Variants in CHFR observed in about 807,000 individuals in gnomAD.
CHFR encodes E3 ubiquitin-protein ligase CHFR.
CHFR carries 57 observed loss-of-function variants against 87.6 expected under a neutral mutation model. That is an observed-to-expected ratio of 0.65 (90% CI 0.53 to 0.81). The LOEUF (loss-of-function observed/expected upper bound fraction) is 0.81, where lower values mean the gene tolerates loss of function less well. Ranked by LOEUF, CHFR falls within the 30% of genes least tolerant of loss-of-function variation. CHFR has a pLI of 0.00. For missense variants in CHFR, 797 were observed against 865.8 expected (o/e 0.92, Z 1.00); for synonymous variants, 381 against 359.2 (o/e 1.06, Z -0.69).
chr12:132,856,380 T>A, intron 10 of CHFR, 88 bp downstream of exon 10: 1 of 1,415,194 alleles, frequency 7.1e-7, no homozygotes, highest in Non-Finnish European at 9.9e-7. Context: ...TCAGGACCCA[T>A]GCTGTCCACC....
rs564900871 is a variant in CHFR, at chr12:132,862,689, C to T, written c.584-1055G>A. Among the ~76,000 whole-genome samples, 519 of 152,074 alleles carry T rather than the reference C, an allele frequency of 3.4e-3. 1 individual carries two copies. The highest frequency in any genetic ancestry group is 0.011 in the African/African-American group (472 of 41,488). On this transcript the variant is annotated intron_variant, in intron 6 of 17. Transcript: ENST00000450056. ...CCGCCTCCTGGGTTGACGCCATTCTCCTGCCTCAGCCTCCCAAGTAGCTGG... is the reference window on the plus strand; with the variant it reads ...CCGCCTCCTGGGTTGACGCCATTCTTCTGCCTCAGCCTCCCAAGTAGCTGG...
intron 6 of CHFR, chr12:132,861,892 G>A (rs189755163): frequency 5.7e-5 from 27 of 472,842 alleles, no homozygotes; most frequent in African/African-American, 4.6e-4. Context: ...TCTGTGACCA[G>A]GCTTAGCCCT....
chr12:132,846,349 G>A (rs1289483845), intron 15 of CHFR, among the ~76,000 whole-genome samples: 4 of 148,684 alleles, frequency 2.7e-5, no homozygotes, highest in East Asian at 2.1e-4. Flanking sequence ...TGCAAGCTCC[G>A]CCTCCCGGGT....
chr12:132,859,302 A>G, intron 7 of CHFR, 75 bp from the exon 8 acceptor site: 1 of 1,410,304 alleles, frequency 7.1e-7, no homozygotes, highest in Non-Finnish European at 9.8e-7. Flanking sequence ...GTCCCCGTCC[A>G]CAGGAGAAAG....
intron 7 of CHFR, among the ~76,000 whole-genome samples, chr12:132,860,496 A>G (rs1951188140): frequency 6.6e-6 from 1 of 152,078 alleles, no homozygotes; most frequent in Non-Finnish European, 1.5e-5. Flanking sequence ...CCCCACACCG[A>G]TCAACCCCAC....
At chr12:132,853,617 T>C in intron 10 of CHFR, 44 bp from the exon 11 acceptor site, 1 of 1,486,702 alleles carries the variant, frequency 6.7e-7, no homozygotes, top group South Asian at 1.3e-5. Flanking sequence ...GCCCCAAGCC[T>C]CTCAGGTAGG....
At chr12:132,878,574 G>C (rs1272863680) in intron 2 of CHFR, among the ~76,000 whole-genome samples, 2 of 151,326 alleles carry the variant, frequency 1.3e-5, no homozygotes, top group Non-Finnish European at 2.9e-5. Context: ...GCTAGGTCCG[G>C]TGGCTCACAC....
At position 132,853,425 on chromosome 12, in the gene CHFR, G is replaced by C; in HGVS notation, c.1372+6C>G. Reference sequence around the variant, plus strand: ...AAGGCTGAGGCCTGAGGGCGGCGCGGCTCACCTGTCGTCAGGCTGACGGAC... The same window carrying C: ...AAGGCTGAGGCCTGAGGGCGGCGCGCCTCACCTGTCGTCAGGCTGACGGAC... On this transcript the variant is annotated splice_donor_region_variant and intron_variant, in intron 11 of 17. Transcript: ENST00000450056. 6.6e-7 allele frequency: 1 copy of C among 1,517,944 alleles called. No homozygotes were observed. Among genetic ancestry groups the C allele is most frequent in the Non-Finnish European group, 8.8e-7 (1 of 1,141,784 alleles). The allele number at this position is 1,517,944 out of a possible 1,614,324, so 94.0% of individuals were successfully genotyped here.
Position 132,835,562 on chromosome 12 carries a change from C to T in CHFR, c.*5992G>A, listed in dbSNP as rs866248758. 1.7e-5 allele frequency: 3 copies of T among 173,476 alleles called. No individual in the cohort carries two copies. Among genetic ancestry groups the T allele is most frequent in the South Asian group, 1.2e-4 (1 of 8,694 alleles). 10.7% of individuals were successfully genotyped at this position (173,476 alleles called of 1,614,324 possible). ...GCAGGAAGAGATTAGGGCACAAACA[C>T]GCATGAAGAGAAGATGACGTGAGAA... On this transcript the variant is annotated 3_prime_UTR_variant, in exon 18 of 18. Transcript: ENST00000450056.
chr12:132,841,506 C>A lies in CHFR; in HGVS notation c.*48G>T. The A allele has an allele frequency of 1.3e-6, 2 of 1,522,576 alleles. No homozygotes were observed. Among genetic ancestry groups the A allele is most frequent in the Non-Finnish European group, 1.8e-6 (2 of 1,096,858 alleles). 94.3% of individuals were successfully genotyped at this position (1,522,576 alleles called of 1,614,324 possible). ...TGCTTGTCTCTGTATTTTAAAAACA[C>A]GCTCTCTTCACCTCCAGTGCTGAAA... is the stretch of plus-strand genomic sequence containing the variant. On this transcript the variant is annotated 3_prime_UTR_variant, in exon 18 of 18. Transcript: ENST00000450056.
chr12:132,863,118 G>A (rs1429185859), intron 6 of CHFR, among the ~76,000 whole-genome samples: 4 of 148,396 alleles, frequency 2.7e-5, no homozygotes, highest in East Asian at 2.1e-4. Context: ...GGATGGTCTC[G>A]ATCTCCTGAC....
intron 17 of CHFR, among the ~76,000 whole-genome samples, chr12:132,842,255 T>C (rs900667539): frequency 6.6e-6 from 1 of 152,214 alleles, no homozygotes; most frequent in Non-Finnish European, 1.5e-5. Context: ...TGTGGCCACC[T>C]TCCCTCTCCA....
At chr12:132,869,927 G>C (rs1222909250) in intron 5 of CHFR, 129 bp from the exon 6 acceptor site, 1 of 1,079,240 alleles carries the variant, frequency 9.3e-7, no homozygotes, top group African/African-American at 1.6e-5. Context: ...ACAGCCCCAA[G>C]GCCAGGCACG....
chr12:132,875,903 G>A (rs1404450717), intron 3 of CHFR, among the ~76,000 whole-genome samples: 14 of 152,148 alleles, frequency 9.2e-5, no homozygotes, highest in African/African-American at 1.2e-4. Flanking sequence ...GGCCGGGCGC[G>A]ATGGCTCACG....
At chr12:132,862,507 G>T in intron 6 of CHFR, 1 of 409,270 alleles carries the variant, frequency 2.4e-6, no homozygotes, top group South Asian at 1.8e-5. Flanking sequence ...AGGAGGCTGA[G>T]GTGAGTGGAT....
Position 132,841,557 on chromosome 12 carries a change from G to C in CHFR, c.1956C>G (p.Asn652Lys). ...GCTGCTCAGGGCCTCTGGATGCTTA[G>C]TTTTTGAACCTTGTCTGTTCACAGA... is the stretch of plus-strand genomic sequence containing the variant. Reference protein sequence around the residue: ...NHICEQTRFKN With the variant: ...NHICEQTRFKK The change falls in exon 18 of 18, where the codon AAC becomes AAG. Residue 652 changes from asparagine (N) to lysine (K), a missense_variant. Physicochemically the swap from Asn to Lys is moderately conservative, Grantham distance 94. Around this residue, in one of 2 missense-constraint regions of CHFR, gnomAD observed 200 missense variants for 264.6 expected, o/e 0.76. Coordinates refer to ENST00000450056, the MANE Select transcript of CHFR (RefSeq NM_001161346.2). 1 of 1,613,744 alleles carries C rather than the reference G, an allele frequency of 6.2e-7. No individual in the cohort carries two copies. The highest frequency in any genetic ancestry group is 8.5e-7 in the Non-Finnish European group (1 of 1,179,628).
chr12:132,884,190 G>A (rs917217309), intron 2 of CHFR, among the ~76,000 whole-genome samples: 11 of 151,876 alleles, frequency 7.2e-5, no homozygotes, highest in East Asian at 1.9e-4. Flanking sequence ...AAGCCGAGGC[G>A]GGTGGATCAC....
chr12:132,863,085 A>G (rs1462709892), intron 6 of CHFR, among the ~76,000 whole-genome samples: 1 of 146,230 alleles, frequency 6.8e-6, no homozygotes, highest in African/African-American at 2.5e-5. Context: ...TTTAGTAGAG[A>G]CAGGGTTTCA....
chr12:132,853,623 G>C, intron 10 of CHFR, 50 bp from the exon 11 acceptor site: 1 of 1,482,054 alleles, frequency 6.7e-7, no homozygotes, highest in Non-Finnish European at 8.9e-7. Flanking sequence ...AGCCTCTCAG[G>C]TAGGGCCGGT....
Sources: allele counts gnomAD v4.1 joint callset (sites outside exome capture counted in the v4.1 genomes callset), GRCh38; gene constraint gnomAD v4.1.1; regional missense constraint gnomAD v4.1.1; transcripts MANE v1.5; gene names NCBI Gene and HGNC (gene_info 2026-07-23, HGNC 2026-07-21).